PLPBP: variants seen among roughly 807,000 people sequenced by gnomAD.
The protein encoded by PLPBP is pyridoxal phosphate homeostasis protein.
PLPBP carries 21 observed loss-of-function variants against 31.2 expected under a neutral mutation model. The ratio of observed to expected loss-of-function variants is 0.67; its 90% CI spans 0.48 to 0.97. The LOEUF (loss-of-function observed/expected upper bound fraction) is 0.97. Among genes scored for constraint, PLPBP ranks in the 50% least tolerant of loss-of-function variants. The pLI, the probability that PLPBP is intolerant of heterozygous loss-of-function variation, is 0.00. For missense variants in PLPBP, 308 were observed against 354.4 expected, an observed-to-expected ratio of 0.87 and a Z score of 1.05; for synonymous variants, 124 against 135.6, an observed-to-expected ratio of 0.91 and a Z score of 0.59.
intron 4 of PLPBP, among the ~76,000 whole-genome samples, chr8:37,768,187 A>G (rs1423347604): frequency 6.6e-6 from 1 of 152,166 alleles, no homozygotes; most frequent in African/African-American, 2.4e-5. Flanking sequence ...ATCTTATTAT[A>G]TGTCATATAA....
In PLPBP at chr8:37,772,757, G is replaced by C. The variant is rs762855564; in HGVS notation, c.322G>C (p.Val108Leu). The change falls in exon 5 of 8, where the codon GTC becomes CTC. Residue 108 changes from valine to leucine, a missense_variant and splice_region_variant. Val to Leu is a conservative substitution (Grantham distance 32). Transcript: ENST00000328195. ...QKQNVNKLMA[V>L]PNLFMLETVD... ...ACTTTGCCTCTGTCTCATTACAGCT[G>C]TCCCCAATCTCTTCATGCTGGAAAC... 19 of 1,614,176 alleles carry C rather than the reference G, an allele frequency of 1.2e-5. No homozygotes were observed. The highest frequency in any genetic ancestry group is 1.4e-5 in the Non-Finnish European group (17 of 1,180,010).
chr8:37,776,478 C>CAAAAAAAAAAAAAAAA (rs915875297), intron 7 of PLPBP, among the ~76,000 whole-genome samples: 2 of 10,640 alleles, frequency 1.9e-4, no homozygotes, highest in South Asian at 4.9e-3. Flanking sequence ...GACTCCATCT[C>CAAAAAAAAAAAAAAAA]AAAAAAAAAA....
intron 3 of PLPBP, 107 bp from the exon 4 acceptor site, chr8:37,766,173 A>T: frequency 1.3e-6 from 1 of 794,218 alleles, no homozygotes; most frequent in Non-Finnish European, 2.0e-6. Context: ...TATTACATTT[A>T]AGGAACAGAG....
intron 6 of PLPBP, 95 bp downstream of exon 6, chr8:37,775,576 C>G: frequency 6.6e-7 from 1 of 1,521,884 alleles, no homozygotes; most frequent in South Asian, 1.2e-5. Flanking sequence ...GCAGAGTCAT[C>G]CCAGACACTG....
intron 4 of PLPBP, among the ~76,000 whole-genome samples, chr8:37,771,402 A>C (rs1253466474): frequency 6.6e-6 from 1 of 151,930 alleles, no homozygotes; most frequent in Non-Finnish European, 1.5e-5. Flanking sequence ...GGCCTCCCCA[A>C]GTGCTGGGAT....
chr8:37,775,567 CAG>C (rs1227547483), intron 6 of PLPBP, 86 bp downstream of exon 6: 7 of 1,565,964 alleles, frequency 4.5e-6, no homozygotes, highest in Non-Finnish European at 6.1e-6. Flanking sequence ...GTGGGGATTG[CAG>C]AGTCATCCCA....
intron 7 of PLPBP, 137 bp downstream of exon 7, chr8:37,776,153 T>C (rs916134341): frequency 1.3e-6 from 1 of 761,816 alleles, no homozygotes; most frequent in East Asian, 2.7e-5. Context: ...GTGTCAGCTA[T>C]TCCAGCATCT....
chr8:37,767,850 A>G (rs1803675992), intron 4 of PLPBP, among the ~76,000 whole-genome samples: 1 of 142,870 alleles, frequency 7.0e-6, no homozygotes, highest in Non-Finnish European at 1.5e-5. Context: ...CTGTCGCCCA[A>G]GCTGGAGTGC....
chr8:37,769,375 C>G (rs938746135), intron 4 of PLPBP, among the ~76,000 whole-genome samples: 2 of 151,466 alleles, frequency 1.3e-5, no homozygotes, highest in Non-Finnish European at 2.9e-5. Flanking sequence ...TTTAAAAGAA[C>G]AACTAGCAGA....
intron 7 of PLPBP, among the ~76,000 whole-genome samples, chr8:37,776,478 C>CAAAAAAAAA (rs915875297): frequency 4.7e-3 from 50 of 10,584 alleles, no homozygotes; most frequent in Non-Finnish European, 5.4e-3. Flanking sequence ...GACTCCATCT[C>CAAAAAAAAA]AAAAAAAAAA....
chr8:37,773,729 A>G (rs1585938564), intron 5 of PLPBP, among the ~76,000 whole-genome samples: 1 of 152,024 alleles, frequency 6.6e-6, no homozygotes, highest in South Asian at 2.1e-4. Flanking sequence ...TCAGCCTCCC[A>G]AAGTGCTGAG....
chr8:37,773,205 T>A (rs973041718), intron 5 of PLPBP, among the ~76,000 whole-genome samples: 1 of 152,144 alleles, frequency 6.6e-6, no homozygotes, highest in African/African-American at 2.4e-5. Flanking sequence ...TCTTGCTATG[T>A]CGCCCAGGCT....
intron 3 of PLPBP, 142 bp from the exon 4 acceptor site, chr8:37,766,138 A>G (rs1803620526): frequency 1.5e-6 from 1 of 675,258 alleles, no homozygotes; most frequent in Non-Finnish European, 2.5e-6. Context: ...CCTCATTAGG[A>G]GGCCGGGTGA....
chr8:37,765,449 T>C (rs1268013107), intron 1 of PLPBP, 77 bp from the exon 2 acceptor site: 6 of 1,363,582 alleles, frequency 4.4e-6, no homozygotes, highest in Non-Finnish European at 6.3e-6. Flanking sequence ...CTGTCTATCC[T>C]ACAGGATCTA....
chr8:37,764,991 G>A (rs1013572139), intron 1 of PLPBP, among the ~76,000 whole-genome samples: 6 of 152,044 alleles, frequency 3.9e-5, no homozygotes, highest in Admixed American at 3.9e-4. Context: ...ACCAACATGG[G>A]GAAACCCTGT....
intron 7 of PLPBP, among the ~76,000 whole-genome samples, chr8:37,776,478 C>CAAAA (rs915875297): frequency 2.0e-3 from 21 of 10,590 alleles, no homozygotes; most frequent in Non-Finnish European, 2.6e-3. Context: ...GACTCCATCT[C>CAAAA]AAAAAAAAAA....
In PLPBP at chr8:37,778,121, AGCACTAACTAT is replaced by A. The variant is rs750059317; in HGVS notation, c.*26_*36del. The A allele has an allele frequency of 1.9e-6, 3 of 1,610,610 alleles. No homozygotes were observed. Among genetic ancestry groups the A allele is most frequent in the Non-Finnish European group, 2.5e-6 (3 of 1,177,902 alleles). ...GAGCACTGAGCCAGGGAATACTGAGAGCACTAACTATGCACTAACCTAGATTTTCATTTCGA... is the reference window on the plus strand; with the variant it reads ...GAGCACTGAGCCAGGGAATACTGAGAGCACTAACCTAGATTTTCATTTCGA... On this transcript the variant is annotated 3_prime_UTR_variant, in exon 8 of 8. Coordinates refer to ENST00000328195, the MANE Select transcript of PLPBP (RefSeq NM_007198.4).
At chr8:37,773,751 G>A (rs1027979058) in intron 5 of PLPBP, among the ~76,000 whole-genome samples, 20 of 152,178 alleles carry the variant, frequency 1.3e-4, no homozygotes, top group African/African-American at 4.8e-4. Flanking sequence ...TTAAAGACAT[G>A]AGCCACTGCA....
Position 37,775,429 on chromosome 8 carries a change from C to T in PLPBP, c.545C>T (p.Thr182Ile), listed in dbSNP as rs1803876356. The T allele has an allele frequency of 6.2e-7, 1 of 1,614,072 alleles. No individual in the cohort carries two copies. Among genetic ancestry groups the T allele is most frequent in the Admixed American group, 1.7e-5 (1 of 59,998 alleles). The change falls in exon 6 of 8, where the codon ACC becomes ATC. Residue 182 changes from threonine (T) to isoleucine (I), a missense_variant. Physicochemically the swap from Thr to Ile is moderately conservative, Grantham distance 89. This residue lies in a region of PLPBP where 188 missense variants were observed against 259.3 expected (regional missense o/e 0.73). Transcript: ENST00000328195. ...CPNLEFVGLMTIGSFGHDLSQ... is the reference protein window; with the variant it reads ...CPNLEFVGLMIIGSFGHDLSQ... ...AACCTGGAGTTTGTGGGGCTGATGA[C>T]CATAGGAAGCTTTGGGCATGATCTT...
Sources: gnomAD v4.1 joint callset for allele counts (sites outside exome capture counted in the v4.1 genomes callset) on GRCh38, gnomAD v4.1.1 for gene constraint, gnomAD v4.1.1 regional missense constraint, MANE v1.5 for transcripts, NCBI Gene and HGNC (gene_info 2026-07-23, HGNC 2026-07-21) for gene names.